Variants in MECOM observed in about 807,000 individuals in gnomAD.
MECOM encodes the protein histone-lysine N-methyltransferase MECOM.
In MECOM, 13 loss-of-function variants were observed where a neutral mutation model predicts 116.3. The observed-to-expected ratio is 0.11, with a 90% CI of 0.07 to 0.18. MECOM has a LOEUF of 0.18. Among genes scored for constraint, MECOM ranks in the 10% least tolerant of loss-of-function variants. MECOM has a pLI of 1.00. For missense variants in MECOM, 1,299 were observed against 1,509.0 expected, an observed-to-expected ratio of 0.86 and a Z score of 2.31; for synonymous variants, 528 against 535.2, an observed-to-expected ratio of 0.99 and a Z score of 0.19.
chr3:169,566,249 C>T (rs917117437), intron 1 of MECOM, among the ~76,000 whole-genome samples: 3 of 152,122 alleles, frequency 2.0e-5, no homozygotes, highest in African/African-American at 7.2e-5. Context: ...CAGAGCCAAA[C>T]CATATCACCT....
intron 1 of MECOM, among the ~76,000 whole-genome samples, chr3:169,662,354 G>A (rs1776390331): frequency 6.6e-6 from 1 of 152,148 alleles, no homozygotes; most frequent in African/African-American, 2.4e-5. Flanking sequence ...CGCCCCCTGG[G>A]GTTTGCTCGG....
At chr3:169,328,078 C>T (rs1473408949) in intron 2 of MECOM, among the ~76,000 whole-genome samples, 1 of 152,188 alleles carries the variant, frequency 6.6e-6, no homozygotes, top group Admixed American at 6.5e-5. Context: ...CCATGCTACA[C>T]CCTCCTTTCA....
At chr3:169,430,537 A>G (rs575121859) in intron 1 of MECOM, among the ~76,000 whole-genome samples, 315 of 152,276 alleles carry the variant, frequency 2.1e-3, no homozygotes, top group African/African-American at 7.1e-3. Context: ...CCTGTATTTC[A>G]TAATTGTCTA....
chr3:169,656,123 C>T (rs1775517732), intron 1 of MECOM, among the ~76,000 whole-genome samples: 1 of 152,212 alleles, frequency 6.6e-6, no homozygotes, highest in Non-Finnish European at 1.5e-5. Context: ...TTGTGTAAGC[C>T]TGCCCATCGC....
At chr3:169,515,366 T>C (rs1010563008) in intron 1 of MECOM, among the ~76,000 whole-genome samples, 2 of 152,196 alleles carry the variant, frequency 1.3e-5, no homozygotes, top group Non-Finnish European at 2.9e-5. Flanking sequence ...CCTAGGCAAA[T>C]AGCAGTCATC....
At chr3:169,389,488 T>C (rs1733903812) in intron 1 of MECOM, 1 of 848,002 alleles carries the variant, frequency 1.2e-6, no homozygotes, top group Admixed American at 6.2e-5. Context: ...GTTTTTCTTT[T>C]ATGTTTTAGC....
At chr3:169,265,420 A>T (rs1306238891) in intron 2 of MECOM, among the ~76,000 whole-genome samples, 1 of 152,246 alleles carries the variant, frequency 6.6e-6, no homozygotes, top group Non-Finnish European at 1.5e-5. Context: ...AAAGTGCAAC[A>T]ATTATTTGCT....
chr3:169,378,672 C>T (rs576497663), intron 2 of MECOM, among the ~76,000 whole-genome samples: 2 of 151,580 alleles, frequency 1.3e-5, no homozygotes, highest in South Asian at 4.2e-4. Flanking sequence ...GTCAAAATGA[C>T]ACATTTTTTT....
chr3:169,386,194 A>G (rs1190062818), intron 1 of MECOM, among the ~76,000 whole-genome samples: 1 of 152,214 alleles, frequency 6.6e-6, no homozygotes, highest in African/African-American at 2.4e-5. Context: ...TCCATTTTGG[A>G]AACATATCAG....
chr3:169,269,189 T>A (rs1758649463), intron 2 of MECOM: 2 of 152,238 alleles, frequency 1.3e-5, no homozygotes, highest in South Asian at 4.2e-4. Context: ...GTTGCTGCTC[T>A]CCTTTTCTAG....
rs1733352845 is a variant in MECOM at position 169,127,733 on chromosome 3, T to C, written c.830+111A>G. 17 of 800,350 alleles carry C rather than the reference T, an allele frequency of 2.1e-5. No individual in the cohort carries two copies. The South Asian group carries it at 2.3e-4, about 11-fold the overall frequency. 49.6% of individuals were successfully genotyped at this position (800,350 alleles called of 1,614,324 possible). On this transcript the variant is annotated intron_variant, in intron 5 of 16. Coordinates refer to ENST00000651503, the MANE Select transcript of MECOM (RefSeq NM_004991.4). Reference sequence around the variant, plus strand: ...ATTTCTGAACATGTCACGAGTGCATTTGTCCAGCTCACTGGAGTTCCAAAT... The same window carrying C: ...ATTTCTGAACATGTCACGAGTGCATCTGTCCAGCTCACTGGAGTTCCAAAT...
At chr3:169,351,042 T>C (rs1248118849) in intron 2 of MECOM, among the ~76,000 whole-genome samples, 2 of 152,080 alleles carry the variant, frequency 1.3e-5, no homozygotes, top group Non-Finnish European at 2.9e-5. Context: ...CATAATTTTC[T>C]CATCTAACTA....
chr3:169,097,874 C>T (rs1474925965), intron 12 of MECOM, among the ~76,000 whole-genome samples: 2 of 136,800 alleles, frequency 1.5e-5, no homozygotes, highest in African/African-American at 5.3e-5. Context: ...TTGTGGTCTA[C>T]TGGTATTTAT....
chr3:169,172,441 G>A (rs71635214), intron 2 of MECOM, among the ~76,000 whole-genome samples: 27 of 129,064 alleles, frequency 2.1e-4, no homozygotes, highest in South Asian at 5.0e-4. Flanking sequence ...GTGTGTGTGT[G>A]TGTATACATA....
At chr3:169,375,742 C>T (rs1730910467) in intron 2 of MECOM, among the ~76,000 whole-genome samples, 2 of 152,066 alleles carry the variant, frequency 1.3e-5, no homozygotes, top group Admixed American at 1.3e-4. Context: ...GTGAATTCTA[C>T]CAGAGGTACA....
At chr3:169,636,895 C>T (rs548752981) in intron 1 of MECOM, among the ~76,000 whole-genome samples, 2 of 152,284 alleles carry the variant, frequency 1.3e-5, no homozygotes, top group Non-Finnish European at 2.9e-5. Flanking sequence ...AGACTGTGAT[C>T]TGTTCATTTC....
At chr3:169,179,870 T>G (rs893540313) in intron 2 of MECOM, among the ~76,000 whole-genome samples, 1 of 152,128 alleles carries the variant, frequency 6.6e-6, no homozygotes, top group Non-Finnish European at 1.5e-5. Flanking sequence ...TAAGCTCACA[T>G]TGATAGTATG....
chr3:169,651,778 C>T (rs961333421), intron 1 of MECOM, among the ~76,000 whole-genome samples: 8 of 150,870 alleles, frequency 5.3e-5, no homozygotes, highest in East Asian at 1.9e-4. Context: ...CAGTAACCTA[C>T]GAAGAAGAAA....
At chr3:169,472,285 AC>A (rs976332719) in intron 1 of MECOM, among the ~76,000 whole-genome samples, 8 of 150,804 alleles carry the variant, frequency 5.3e-5, no homozygotes, top group African/African-American at 9.7e-5. Flanking sequence ...AAAAAAAAAA[AC>A]AATAATAATA....
Sources: gnomAD v4.1 joint callset for allele counts (sites outside exome capture counted in the v4.1 genomes callset) on GRCh38, gnomAD v4.1.1 for gene constraint, MANE v1.5 for transcripts, NCBI Gene and HGNC (gene_info 2026-07-23, HGNC 2026-07-21) for gene names.